The following CFAP58 variants were observed in gnomAD, a reference collection of about 807,000 sequenced individuals.
CFAP58 encodes cilia- and flagella-associated protein 58.
A neutral mutation model predicts 119.5 loss-of-function variants in CFAP58; 88 were observed. That is an observed-to-expected ratio of 0.74 (90% CI 0.62 to 0.88). CFAP58 has a LOEUF of 0.88. CFAP58 is among the 40% of genes least tolerant of loss of function. The pLI, the probability that CFAP58 is intolerant of heterozygous loss-of-function variation, is 0.00. For missense variants in CFAP58, 990 were observed against 1,021.2 expected (o/e 0.97, Z 0.42); for synonymous variants, 365 against 366.3 (o/e 1.00, Z 0.04).
chr10:104,419,193 A>G (rs1368844501), intron 15 of CFAP58, among the ~76,000 whole-genome samples: 1 of 152,168 alleles, frequency 6.6e-6, no homozygotes, highest in Non-Finnish European at 1.5e-5. Flanking sequence ...CAGGCTGTTC[A>G]GAAAACAGAA....
At chr10:104,437,017 A>G (rs2012946120) in intron 15 of CFAP58, among the ~76,000 whole-genome samples, 2 of 152,250 alleles carry the variant, frequency 1.3e-5, no homozygotes, top group African/African-American at 4.8e-5. Context: ...GAGATTATAT[A>G]TATCCATTTC....
intron 3 of CFAP58, among the ~76,000 whole-genome samples, chr10:104,363,595 G>C (rs1313789070): frequency 6.6e-6 from 1 of 152,206 alleles, no homozygotes; most frequent in Non-Finnish European, 1.5e-5. Flanking sequence ...CATTGGAAGA[G>C]GGTGAGGAGG....
At chr10:104,417,528 C>T (rs1288240857) in intron 15 of CFAP58, among the ~76,000 whole-genome samples, 3 of 152,170 alleles carry the variant, frequency 2.0e-5, no homozygotes, top group African/African-American at 7.2e-5. Flanking sequence ...ATCCCACAAA[C>T]TCTTGAAGGC....
chr10:104,438,376 T>TTTTTTTTTTTTTTG (rs2012977817), intron 15 of CFAP58, among the ~76,000 whole-genome samples: 2 of 96,014 alleles, frequency 2.1e-5, no homozygotes, highest in Admixed American at 1.1e-4. Flanking sequence ...TTTTTTTTGT[T>TTTTTTTTTTTTTTG]TTTTTTTTTT....
chr10:104,357,922 TACACATATACACAC>T (rs1268585202), intron 1 of CFAP58, among the ~76,000 whole-genome samples: 1 of 113,020 alleles, frequency 8.8e-6, no homozygotes, highest in Non-Finnish European at 1.7e-5. Flanking sequence ...CACATATATG[TACACATATACACAC>T]ATATATGTAC....
chr10:104,396,791 A>G (rs185173521), intron 11 of CFAP58, among the ~76,000 whole-genome samples: 1 of 152,212 alleles, frequency 6.6e-6, no homozygotes, highest in Non-Finnish European at 1.5e-5. Context: ...TTGCTTGATG[A>G]GCTTTTGAAT....
intron 3 of CFAP58, among the ~76,000 whole-genome samples, chr10:104,364,356 A>C (rs1186496523): frequency 6.6e-6 from 1 of 151,532 alleles, no homozygotes; most frequent in Non-Finnish European, 1.5e-5. Context: ...CAACCCCCAC[A>C]ACTTTCCACC....
intron 1 of CFAP58, among the ~76,000 whole-genome samples, chr10:104,356,818 C>T (rs115320978): frequency 5.5e-4 from 84 of 152,288 alleles, no homozygotes; most frequent in African/African-American, 1.9e-3. Flanking sequence ...TATAAATTCC[C>T]TGTGGATAAG....
At chr10:104,403,891 C>A in intron 14 of CFAP58, 51 bp downstream of exon 14, 1 of 1,172,842 alleles carries the variant, frequency 8.5e-7, no homozygotes, top group Non-Finnish European at 1.2e-6. Flanking sequence ...CCTCCTATCC[C>A]ACGCGAAGCT....
chr10:104,354,323 C>CT (rs1202272013), intron 1 of CFAP58, among the ~76,000 whole-genome samples: 2 of 152,124 alleles, frequency 1.3e-5, no homozygotes, highest in African/African-American at 4.8e-5. Context: ...ATCAATGGCC[C>CT]TTGTCCACCT....
At chr10:104,367,936 T>C (rs1370904787) in intron 5 of CFAP58, among the ~76,000 whole-genome samples, 1 of 152,250 alleles carries the variant, frequency 6.6e-6, no homozygotes, top group Non-Finnish European at 1.5e-5. Flanking sequence ...TTAAGTTAGA[T>C]TAAAAGAAAA....
rs1564875498 is a variant in CFAP58 at position 104,357,840 on chromosome 10, CATATGT to C, written c.10-499_10-494del. ...GTACATATATACACATATATGTACA[CATATGT>C]ACACATATATACACATATATACACA... On this transcript the variant is annotated intron_variant, in intron 1 of 17. Transcript: ENST00000369704. Among the ~76,000 whole-genome samples the C allele has an allele frequency of 1.5e-3, 110 of 71,154 alleles. 5 individuals carry two copies. The highest frequency in any genetic ancestry group is 6.8e-3 in the African/African-American group (108 of 15,774). 46.7% of individuals were successfully genotyped at this position (71,154 alleles called of 152,430 possible).
chr10:104,375,524 G>C (rs990247033), intron 7 of CFAP58, among the ~76,000 whole-genome samples: 5 of 152,104 alleles, frequency 3.3e-5, no homozygotes, highest in Non-Finnish European at 4.4e-5. Flanking sequence ...TTCGAGACCA[G>C]CCTGGCCAAC....
chr10:104,353,632 C>G, upstream of CFAP58: 1 of 481,328 alleles, frequency 2.1e-6, no homozygotes, highest in African/African-American at 1.9e-5. Context: ...TTCCTTGGCT[C>G]CGCCCCATTG....
At chr10:104,411,415 G>C (rs1447264773) in intron 15 of CFAP58, among the ~76,000 whole-genome samples, 1 of 151,654 alleles carries the variant, frequency 6.6e-6, no homozygotes, top group African/African-American at 2.4e-5. Flanking sequence ...TTATTTTATA[G>C]TCTTAATCTG....
At chr10:104,441,455 T>C (rs763494119) in intron 15 of CFAP58, among the ~76,000 whole-genome samples, 1 of 152,250 alleles carries the variant, frequency 6.6e-6, no homozygotes, top group Non-Finnish European at 1.5e-5. Context: ...GTGCAAATTC[T>C]TCACATGGAT....
chr10:104,376,288 T>C (rs1165294972), intron 7 of CFAP58, among the ~76,000 whole-genome samples: 1 of 151,502 alleles, frequency 6.6e-6, no homozygotes, highest in African/African-American at 2.4e-5. Flanking sequence ...GATAGGAATT[T>C]GGGCAAGAGG....
intron 9 of CFAP58, among the ~76,000 whole-genome samples, chr10:104,388,929 T>G (rs1048772285): frequency 1.3e-5 from 2 of 152,188 alleles, no homozygotes; most frequent in Non-Finnish European, 2.9e-5. Flanking sequence ...GCACCAATTC[T>G]CTGGCTGTAA....
intron 15 of CFAP58, among the ~76,000 whole-genome samples, chr10:104,407,847 C>T (rs935168060): frequency 6.6e-6 from 1 of 152,114 alleles, no homozygotes; most frequent in African/African-American, 2.4e-5. Flanking sequence ...CAGGTGTGTG[C>T]CACCATGCCT....
Sources: allele counts gnomAD v4.1 joint callset (sites outside exome capture counted in the v4.1 genomes callset), GRCh38; gene constraint gnomAD v4.1.1; transcripts MANE v1.5; gene names NCBI Gene and HGNC (gene_info 2026-07-23, HGNC 2026-07-21).